Variants in SLC71A2 observed in about 807,000 individuals in gnomAD.
The protein encoded by SLC71A2 is hippocampus abundant transcript-like 1.
chr9:94,425,717 T>G, the SLC71A2 span, among the ~76,000 whole-genome samples: 2 of 151,714 alleles, frequency 1.3e-5, no homozygotes, highest in African/African-American at 2.4e-5. Context: ...TTTCTAATCT[T>G]GTGGCTAATG....
At chr9:94,427,609 A>G in the SLC71A2 span, among the ~76,000 whole-genome samples, 1 of 121,746 alleles carries the variant, frequency 8.2e-6, no homozygotes, top group Non-Finnish European at 1.7e-5. Context: ...AGGTGGGGGC[A>G]GGGAAGGATC....
chr9:94,416,507 CG>C, the SLC71A2 span, among the ~76,000 whole-genome samples: 9 of 152,206 alleles, frequency 5.9e-5, no homozygotes, highest in Non-Finnish European at 1.3e-4. Context: ...GTTAGCCTTA[CG>C]TAAGACTTTG....
the SLC71A2 span, among the ~76,000 whole-genome samples, chr9:94,404,753 T>A: frequency 6.6e-6 from 1 of 152,254 alleles, no homozygotes; most frequent in East Asian, 1.9e-4. Context: ...TTATCAGATA[T>A]GTGATTTGCA....
At chr9:94,456,197 G>A in the SLC71A2 span, 1 of 1,426,594 alleles carries the variant, frequency 7.0e-7, no homozygotes, top group Non-Finnish European at 9.9e-7. Context: ...TGAGCTCCTT[G>A]AGGTTGACCT....
the SLC71A2 span, among the ~76,000 whole-genome samples, chr9:94,402,018 A>T: frequency 4.5e-4 from 68 of 152,134 alleles, no homozygotes; most frequent in Admixed American, 9.2e-4. Context: ...CACTGGTGGG[A>T]GTATAGCAGT....
At chr9:94,407,211 T>G in the SLC71A2 span, among the ~76,000 whole-genome samples, 43 of 151,766 alleles carry the variant, frequency 2.8e-4, no homozygotes, top group African/African-American at 9.9e-4. Context: ...ATGTGTTGTA[T>G]TACATTGATT....
At chr9:94,389,438 G>A in the SLC71A2 span, among the ~76,000 whole-genome samples, 1 of 150,844 alleles carries the variant, frequency 6.6e-6, no homozygotes, top group South Asian at 2.1e-4. Flanking sequence ...GCTAATTTTT[G>A]TATATATATA....
chr9:94,414,656 G>T, the SLC71A2 span, among the ~76,000 whole-genome samples: 2 of 152,102 alleles, frequency 1.3e-5, no homozygotes, highest in Middle Eastern at 3.2e-3. Context: ...TAGATCGAAA[G>T]TCTATAATCT....
chr9:94,425,194 C>T, the SLC71A2 span, among the ~76,000 whole-genome samples: 1 of 152,064 alleles, frequency 6.6e-6, no homozygotes, highest in South Asian at 2.1e-4. Flanking sequence ...ATCCCAGCTA[C>T]TCGGGAGGTT....
At chr9:94,430,870 G>A in the SLC71A2 span, among the ~76,000 whole-genome samples, 9 of 152,078 alleles carry the variant, frequency 5.9e-5, no homozygotes, top group Admixed American at 2.6e-4. Context: ...TTTCTAAATA[G>A]GAAAAGAGTT....
the SLC71A2 span, among the ~76,000 whole-genome samples, chr9:94,414,436 G>A: frequency 6.6e-6 from 1 of 152,160 alleles, no homozygotes; most frequent in Non-Finnish European, 1.5e-5. Context: ...CTGATTTAAA[G>A]TCATCCGAGC....
At chr9:94,386,877 G>T in the SLC71A2 span, among the ~76,000 whole-genome samples, 3 of 152,162 alleles carry the variant, frequency 2.0e-5, no homozygotes, top group Admixed American at 2.0e-4. Context: ...CTTTGTTAAA[G>T]ATTGATTTTG....
the SLC71A2 span, among the ~76,000 whole-genome samples, chr9:94,416,582 C>T: frequency 2.6e-5 from 4 of 152,236 alleles, no homozygotes; most frequent in East Asian, 1.9e-4. Flanking sequence ...AGGCCTGGTG[C>T]GGTGGCTCAC....
At chr9:94,386,805 G>A in the SLC71A2 span, among the ~76,000 whole-genome samples, 1 of 152,142 alleles carries the variant, frequency 6.6e-6, no homozygotes, top group South Asian at 2.1e-4. Context: ...CTGGCATCCA[G>A]TGTGTCTTGG....
chr9:94,393,672 C>T, the SLC71A2 span, among the ~76,000 whole-genome samples: 1 of 142,910 alleles, frequency 7.0e-6, no homozygotes, highest in African/African-American at 2.6e-5. Context: ...AATAATAGTT[C>T]CTATCTCAAA....
At chr9:94,390,168 C>T in the SLC71A2 span, among the ~76,000 whole-genome samples, 2 of 151,926 alleles carry the variant, frequency 1.3e-5, no homozygotes, top group Admixed American at 6.5e-5. Flanking sequence ...GAGCCGAGAT[C>T]GCGCCACTGC....
At chr9:94,431,894 A>T in the SLC71A2 span, among the ~76,000 whole-genome samples, 1 of 152,200 alleles carries the variant, frequency 6.6e-6, no homozygotes, top group African/African-American at 2.4e-5. Flanking sequence ...TTCCAGCTTC[A>T]GGAGGCCAAC....
At chr9:94,375,727 A>C in the SLC71A2 span, among the ~76,000 whole-genome samples, 1 of 151,430 alleles carries the variant, frequency 6.6e-6, no homozygotes, top group African/African-American at 2.4e-5. Flanking sequence ...ATTTTATGGA[A>C]ATTAAATACA....
At chr9:94,433,028 T>C in the SLC71A2 span, 14 of 443,660 alleles carry the variant, frequency 3.2e-5, no homozygotes, top group South Asian at 7.3e-5. Context: ...CCAGGGACAC[T>C]GGTCCTGGCA....
Sources: gnomAD v4.1 joint callset for allele counts (sites outside exome capture counted in the v4.1 genomes callset) on GRCh38, gnomAD v4.1.1 for gene constraint, MANE v1.5 for transcripts, NCBI Gene and HGNC (gene_info 2026-07-23, HGNC 2026-07-21) for gene names.